The following MYT1L variants were observed in gnomAD, a reference collection of about 807,000 sequenced individuals.
MYT1L encodes the protein myelin transcription factor 1 like, also known as myelin transcription factor 1-like protein.
MYT1L carries 12 observed loss-of-function variants against 126.7 expected under a neutral mutation model. The ratio of observed to expected loss-of-function variants is 0.09; its 90% confidence interval spans 0.06 to 0.15. The LOEUF (loss-of-function observed/expected upper bound fraction) is 0.15. Among genes scored for constraint, MYT1L ranks in the 10% least tolerant of loss-of-function variants. MYT1L has a pLI of 1.00. For missense variants in MYT1L, 979 were observed against 1,585.2 expected, an observed-to-expected ratio of 0.62 and a Z score of 6.49; for synonymous variants, 541 against 604.2, an observed-to-expected ratio of 0.90 and a Z score of 1.53.
intron 9 of MYT1L, among the ~76,000 whole-genome samples, chr2:1,924,831 G>T (rs139326700): frequency 6.3e-4 from 96 of 152,278 alleles, no homozygotes; most frequent in African/African-American, 2.1e-3. Context: ...ACTAGTGAAT[G>T]AATCAGAAAC....
Position 2,093,728 on chromosome 2 carries a change from C to T in MYT1L, c.-303-39605G>A, listed in dbSNP as rs1194433399. ...CATTTGTCAATTTTGGCTTTTGTTGCCATTGCTTTCGGTGTTTTAGACGTG... is the reference window on the plus strand; with the variant it reads ...CATTTGTCAATTTTGGCTTTTGTTGTCATTGCTTTCGGTGTTTTAGACGTG... On this transcript the variant is annotated intron_variant, in intron 3 of 24. Transcript: ENST00000647738. Among the ~76,000 whole-genome samples, 9 of 152,260 alleles carry T rather than the reference C, an allele frequency of 5.9e-5. No individual in the cohort carries two copies. In the East Asian group the frequency reaches 1.7e-3, roughly 29 times the overall value.
intron 2 of MYT1L, among the ~76,000 whole-genome samples, chr2:2,192,339 G>A (rs2092629102): frequency 1.3e-5 from 2 of 152,128 alleles, no homozygotes; most frequent in African/African-American, 4.8e-5. Flanking sequence ...AAAGTTTCTA[G>A]GATAATGACT....
chr2:2,043,643 T>C (rs374061656), intron 4 of MYT1L, among the ~76,000 whole-genome samples: 2 of 152,154 alleles, frequency 1.3e-5, no homozygotes, highest in Admixed American at 6.5e-5. Flanking sequence ...CATGTCTTAC[T>C]CATGGGTGAC....
chr2:1,951,476 C>T (rs1379255710), intron 8 of MYT1L, among the ~76,000 whole-genome samples: 2 of 152,194 alleles, frequency 1.3e-5, no homozygotes, highest in African/African-American at 4.8e-5. Context: ...GAGACACAAC[C>T]ACAGACCTTC....
chr2:2,310,232 C>T (rs2095942073), intron 1 of MYT1L, among the ~76,000 whole-genome samples: 2 of 151,880 alleles, frequency 1.3e-5, no homozygotes, highest in East Asian at 1.9e-4. Flanking sequence ...AGTTACATTT[C>T]AGCATACTCT....
chr2:1,915,962 G>A (rs1353417814), intron 11 of MYT1L, among the ~76,000 whole-genome samples: 8 of 152,254 alleles, frequency 5.3e-5, no homozygotes, highest in African/African-American at 9.6e-5. Flanking sequence ...TGTGAGCTGC[G>A]TCCCAGCACC....
chr2:2,064,569 A>C (rs1272894681), intron 3 of MYT1L, among the ~76,000 whole-genome samples: 1 of 152,094 alleles, frequency 6.6e-6, no homozygotes, highest in Non-Finnish European at 1.5e-5. Flanking sequence ...AGGAGACTTT[A>C]AGATATTGCT....
At chr2:2,249,365 T>C (rs929054744) in intron 2 of MYT1L, among the ~76,000 whole-genome samples, 5 of 151,956 alleles carry the variant, frequency 3.3e-5, no homozygotes, top group South Asian at 2.1e-4. Context: ...ATGAAATAAA[T>C]TGAAGAGGAT....
At position 2,206,709 on chromosome 2, in the gene MYT1L, C is replaced by T. The variant is rs575946597; in HGVS notation, c.-420-33721G>A. On this transcript the variant is annotated intron_variant, in intron 2 of 24. Coordinates refer to ENST00000647738, the MANE Select transcript of MYT1L (RefSeq NM_001303052.2). ...GCTACATTGCCACTGTGAAAGTCAT[C>T]CTCCATAAACCCCCAAAGCGAATCC... Among the ~76,000 whole-genome samples, 19 of 152,332 alleles carry T rather than the reference C, an allele frequency of 1.2e-4. No individual in the cohort carries two copies. The South Asian group carries it at 3.9e-3, about 32-fold the overall frequency.
At chr2:2,245,896 C>T (rs1327862682) in intron 2 of MYT1L, among the ~76,000 whole-genome samples, 1 of 152,104 alleles carries the variant, frequency 6.6e-6, no homozygotes, top group Non-Finnish European at 1.5e-5. Flanking sequence ...GGAGCTGAAG[C>T]ACACGGGTGG....
At chr2:1,865,116 C>A (rs1327517970) in intron 18 of MYT1L, among the ~76,000 whole-genome samples, 3 of 152,192 alleles carry the variant, frequency 2.0e-5, no homozygotes, top group Non-Finnish European at 4.4e-5. Flanking sequence ...ACCCTCCAGG[C>A]TACCGCATCT....
rs1176446001 is a variant in MYT1L at position 1,809,109 on chromosome 2, G to T, written c.3139C>A (p.Gln1047Lys). ...AMKKAKLSGE[Q>K]MLTIKQRASN... ...GCCCGCTGTTTGATGGTCAGCATCT[G>T]CTCTCCAGAAAGCTTTGCCTTCTTC... Residue 1047 changes from glutamine (Q) to lysine (K), a missense_variant, in exon 22 of 25, where the codon CAG becomes AAG. Coordinates refer to ENST00000647738, the MANE Select transcript of MYT1L (RefSeq NM_001303052.2). 1 of 1,613,962 alleles carries T rather than the reference G, an allele frequency of 6.2e-7. No homozygotes were observed. The highest frequency in any genetic ancestry group is 8.5e-7 in the Non-Finnish European group (1 of 1,179,882).
intron 21 of MYT1L, among the ~76,000 whole-genome samples, chr2:1,837,174 G>A (rs1433356391): frequency 6.6e-6 from 1 of 152,196 alleles, no homozygotes; most frequent in Non-Finnish European, 1.5e-5. Context: ...CAGAGGCTGG[G>A]GAGTGGGAGG....
rs2058382174 is a variant in MYT1L, at chr2:1,956,321, ATGTGTCCTATTCTATATTTCCTAT to A, written c.153-13011_153-12988del. ...TATCCTATTCTATATTTCCTATTCT[ATGTGTCCTATTCTATATTTCCTAT>A]TCTATCTATCTATCTATCATCTATC... On this transcript the variant is annotated intron_variant, in intron 8 of 24. Transcript: ENST00000647738. Among the ~76,000 whole-genome samples, 172 of 123,302 alleles carry A rather than the reference ATGTGTCCTATTCTATATTTCCTAT, an allele frequency of 1.4e-3. 23 individuals are homozygous for A. Among genetic ancestry groups the A allele is most frequent in the African/African-American group, 5.9e-3 (163 of 27,522 alleles). The allele number at this position is 123,302 out of a possible 152,430, so 80.9% of individuals were successfully genotyped here.
At chr2:2,045,638 C>T (rs1198135767) in intron 4 of MYT1L, among the ~76,000 whole-genome samples, 1 of 152,202 alleles carries the variant, frequency 6.6e-6, no homozygotes, top group Admixed American at 6.5e-5. Flanking sequence ...TGAAATGTCC[C>T]AATTTCCCTA....
intron 5 of MYT1L, among the ~76,000 whole-genome samples, chr2:1,994,881 T>C (rs2061707621): frequency 6.6e-6 from 1 of 152,236 alleles, no homozygotes; most frequent in Admixed American, 6.5e-5. Context: ...CTTTTTAATT[T>C]TTTTAAATTA....
At chr2:2,183,433 A>G (rs906412916) in intron 2 of MYT1L, among the ~76,000 whole-genome samples, 4 of 152,170 alleles carry the variant, frequency 2.6e-5, no homozygotes, top group Non-Finnish European at 5.9e-5. Context: ...GAACCAAGCC[A>G]TCCTGTTTCC....
chr2:2,279,044 G>C (rs1475653698), intron 2 of MYT1L, among the ~76,000 whole-genome samples: 1 of 152,176 alleles, frequency 6.6e-6, no homozygotes, highest in Non-Finnish European at 1.5e-5. Context: ...GCACCTGGGA[G>C]GCCCTGGACC....
At chr2:2,246,418 G>T (rs568798122) in intron 2 of MYT1L, among the ~76,000 whole-genome samples, 2 of 152,272 alleles carry the variant, frequency 1.3e-5, no homozygotes, top group Admixed American at 6.5e-5. Flanking sequence ...TGGCTGAAAT[G>T]AGCTGTGTGT....
Sources: gnomAD v4.1 joint callset for allele counts (sites outside exome capture counted in the v4.1 genomes callset) on GRCh38, gnomAD v4.1.1 for gene constraint, MANE v1.5 for transcripts, NCBI Gene and HGNC (gene_info 2026-07-23, HGNC 2026-07-21) for gene names.